Variants in XKR4 observed in about 807,000 individuals in gnomAD.
XKR4 encodes XK related 4.
In XKR4, 12 loss-of-function variants were observed where a neutral mutation model predicts 53.9. The observed-to-expected ratio is 0.22, with a 90% CI of 0.14 to 0.36. XKR4 has a LOEUF of 0.36. XKR4 is among the 10% of genes least tolerant of loss of function. The pLI, the probability that XKR4 is intolerant of heterozygous loss-of-function variation, is 1.00. For synonymous variants in XKR4, 354 were observed against 362.4 expected (o/e 0.98, Z 0.26); for missense variants, 799 against 859.5 (o/e 0.93, Z 0.88).
At chr8:55,271,627 G>A (rs1195528682) in intron 1 of XKR4, among the ~76,000 whole-genome samples, 1 of 152,254 alleles carries the variant, frequency 6.6e-6, no homozygotes, top group Non-Finnish European at 1.5e-5. Flanking sequence ...AATGGCTCCA[G>A]GTGTGCCCTG....
At chr8:55,452,911 C>T in intron 2 of XKR4, 1 of 798,350 alleles carries the variant, frequency 1.3e-6, no homozygotes, top group Admixed American at 1.7e-5. Flanking sequence ...TAGTGGATGG[C>T]CTGGCTGAAC....
chr8:55,444,152 C>T (rs1805312379), intron 2 of XKR4, among the ~76,000 whole-genome samples: 1 of 152,176 alleles, frequency 6.6e-6, no homozygotes, highest in African/African-American at 2.4e-5. Context: ...GCCTGGGCAA[C>T]AGAGCCAGAC....
intron 1 of XKR4, among the ~76,000 whole-genome samples, chr8:55,113,471 G>A (rs1032994438): frequency 6.6e-6 from 1 of 152,190 alleles, no homozygotes; most frequent in African/African-American, 2.4e-5. Flanking sequence ...GCAGGGCTTC[G>A]CCAGCCAGGC....
At chr8:55,271,059 A>G (rs1457212014) in intron 1 of XKR4, among the ~76,000 whole-genome samples, 1 of 152,156 alleles carries the variant, frequency 6.6e-6, no homozygotes, top group Non-Finnish European at 1.5e-5. Flanking sequence ...GTTGGTGGAC[A>G]GTTGCCATCT....
intron 1 of XKR4, among the ~76,000 whole-genome samples, chr8:55,142,910 C>T (rs1816725814): frequency 6.6e-6 from 1 of 152,202 alleles, no homozygotes; most frequent in African/African-American, 2.4e-5. Flanking sequence ...CTGAAGGCCC[C>T]TTTGATGCCC....
Position 55,348,691 on chromosome 8 carries a change from T to C in XKR4, c.807-8987T>C, listed in dbSNP as rs60228266. Among the ~76,000 whole-genome samples the C allele has an allele frequency of 4.0e-4, 54 of 136,122 alleles. 1 individual carries two copies. Among genetic ancestry groups the C allele is most frequent in the African/African-American group, 1.3e-3 (47 of 37,400 alleles). The allele number at this position is 136,122 out of a possible 152,430, so 89.3% of individuals were successfully genotyped here. On this transcript the variant is annotated intron_variant, in intron 1 of 2. Coordinates refer to ENST00000327381, the MANE Select transcript of XKR4 (RefSeq NM_052898.2). ...AGAGGGAGAGAGAGACAGACAAACA[T>C]ACACACACACACACACACACACACA...
intron 1 of XKR4, among the ~76,000 whole-genome samples, chr8:55,106,761 G>A (rs917794627): frequency 2.0e-5 from 3 of 152,088 alleles, no homozygotes; most frequent in Non-Finnish European, 4.4e-5. Context: ...GTCAGTGGAT[G>A]GTAGAGTGGG....
chr8:55,394,803 A>G (rs1460803267), intron 2 of XKR4, among the ~76,000 whole-genome samples: 1 of 152,098 alleles, frequency 6.6e-6, no homozygotes, highest in East Asian at 1.9e-4. Flanking sequence ...ACTGATTTTC[A>G]CTTTTCTTGC....
intron 1 of XKR4, among the ~76,000 whole-genome samples, chr8:55,181,800 T>A (rs1476503456): frequency 6.6e-6 from 1 of 152,188 alleles, no homozygotes; most frequent in African/African-American, 2.4e-5. Flanking sequence ...ACCGAGAAGA[T>A]AAGCATTTTT....
rs1387631162 is a variant in XKR4 at position 55,540,244 on chromosome 8, A to G, written c.*16017A>G. 6.6e-6 allele frequency: 1 copy of G among 152,226 alleles called. No homozygotes were observed. The highest frequency in any genetic ancestry group is 1.5e-5 in the Non-Finnish European group (1 of 68,044). 9.4% of individuals were successfully genotyped at this position (152,226 alleles called of 1,614,324 possible). On this transcript the variant is annotated 3_prime_UTR_variant, in exon 3 of 3. Transcript: ENST00000327381. The stretch of plus-strand genomic sequence containing the variant: ...TTTGTAAATGTATTAATTGTGGTCA[A>G]TTTTCATGGATATTTCCCATTAACA...
At chr8:55,445,322 G>A (rs544096630) in intron 2 of XKR4, among the ~76,000 whole-genome samples, 1 of 152,198 alleles carries the variant, frequency 6.6e-6, no homozygotes, top group Non-Finnish European at 1.5e-5. Flanking sequence ...CTCCCAAAGT[G>A]CTGGGATTAC....
intron 1 of XKR4, among the ~76,000 whole-genome samples, chr8:55,337,983 T>A (rs564847842): frequency 2.0e-5 from 3 of 152,348 alleles, no homozygotes; most frequent in African/African-American, 7.2e-5. Flanking sequence ...TCTCCCATAT[T>A]GTCTCTTGCC....
chr8:55,413,098 T>A (rs1448929928), intron 2 of XKR4, among the ~76,000 whole-genome samples: 1 of 152,256 alleles, frequency 6.6e-6, no homozygotes, highest in Non-Finnish European at 1.5e-5. Flanking sequence ...CAGTTACTAA[T>A]ATTTAGTCCA....
chr8:55,394,652 T>C (rs908282152), intron 2 of XKR4, among the ~76,000 whole-genome samples: 1 of 152,194 alleles, frequency 6.6e-6, no homozygotes, highest in African/African-American at 2.4e-5. Flanking sequence ...AAGAGAGTTA[T>C]TTAAACACAC....
At chr8:55,344,795 C>A (rs953937659) in intron 1 of XKR4, among the ~76,000 whole-genome samples, 1 of 152,208 alleles carries the variant, frequency 6.6e-6, no homozygotes, top group Non-Finnish European at 1.5e-5. Context: ...GTGCCTACTA[C>A]AGGAGAAATT....
chr8:55,499,499 G>T (rs1806404825), intron 2 of XKR4, among the ~76,000 whole-genome samples: 1 of 152,104 alleles, frequency 6.6e-6, no homozygotes, highest in Admixed American at 6.5e-5. Flanking sequence ...TATCTTTTCT[G>T]GTGTTATTTT....
At chr8:55,431,627 A>G (rs1805106482) in intron 2 of XKR4, among the ~76,000 whole-genome samples, 1 of 152,250 alleles carries the variant, frequency 6.6e-6, no homozygotes, top group Admixed American at 6.5e-5. Context: ...AACATAAGAC[A>G]GATAGTGTGT....
At position 55,211,197 on chromosome 8, in the gene XKR4, TAGTC is replaced by T. The variant is rs1405352114; in HGVS notation, c.806+107907_806+107910del. On this transcript the variant is annotated intron_variant, in intron 1 of 2. Transcript: ENST00000327381. ...CATTCAAATTGTGTTCTTAAACTAT[TAGTC>T]AGTTAGAGACAATTTAGATAGAAGG... Among the ~76,000 whole-genome samples, 3 of 152,364 alleles carry T rather than the reference TAGTC, an allele frequency of 2.0e-5. No homozygotes were observed. In the East Asian group the frequency reaches 5.8e-4, roughly 29 times the overall value.
chr8:55,215,154 CA>C (rs1817782923), intron 1 of XKR4, among the ~76,000 whole-genome samples: 1 of 151,624 alleles, frequency 6.6e-6, no homozygotes. Context: ...TGAGTATTAT[CA>C]CATGTGATAG....
Sources: gnomAD v4.1 joint callset for allele counts (sites outside exome capture counted in the v4.1 genomes callset) on GRCh38, gnomAD v4.1.1 for gene constraint, MANE v1.5 for transcripts, NCBI Gene and HGNC (gene_info 2026-07-23, HGNC 2026-07-21) for gene names.